Variants in SCARA3 observed in about 807,000 individuals in gnomAD.
SCARA3 encodes scavenger receptor class A member 3.
SCARA3 carries 39 observed loss-of-function variants against 47.0 expected under a neutral mutation model. That is an observed-to-expected ratio of 0.83 (90% confidence interval 0.64 to 1.08). SCARA3 has a LOEUF of 1.08. Ranked by LOEUF, SCARA3 falls within the 50% of genes least tolerant of loss-of-function variation. SCARA3 has a pLI of 0.00. For synonymous variants in SCARA3, 356 were observed against 334.1 expected (o/e 1.07, Z -0.71); for missense variants, 724 against 792.3 (o/e 0.91, Z 1.04).
chr8:27,717,174 G>A, the SCARA3 span, among the ~76,000 whole-genome samples: 1 of 152,294 alleles, frequency 6.6e-6, no homozygotes, highest in Admixed American at 6.5e-5. Flanking sequence ...AATCTCATTA[G>A]GACAATTGGT....
the SCARA3 span, among the ~76,000 whole-genome samples, chr8:27,723,767 G>A: frequency 1.8e-4 from 27 of 152,146 alleles, 1 homozygote; most frequent in Admixed American, 1.6e-3. Flanking sequence ...ACAGAGTCTC[G>A]CTCTGTCTCC....
At chr8:27,733,883 T>A in the SCARA3 span, 5 of 152,190 alleles carry the variant, frequency 3.3e-5, no homozygotes, top group Admixed American at 3.3e-4. Context: ...GAGGAAGGGC[T>A]TTGGTCTTAA....
downstream of SCARA3, among the ~76,000 whole-genome samples, chr8:27,678,815 T>C (rs949774552): frequency 7.2e-5 from 11 of 152,174 alleles, no homozygotes; most frequent in African/African-American, 2.7e-4. Context: ...TTTTAGCCAA[T>C]CAAATGCAGC....
Position 27,659,561 on chromosome 8 carries a change from G to T in SCARA3, c.1369+22G>T, listed in dbSNP as rs1166403113. The T allele has an allele frequency of 4.5e-6, 7 of 1,567,274 alleles. No individual in the cohort carries two copies. The African/African-American group carries it at 9.5e-5, about 21-fold the overall frequency. ...CGAGGTAAGAGCTGGGTCCAGGTAG[G>T]GCTGCTACAAAGCTTCCACTGAGGC... is the stretch of plus-strand genomic sequence containing the variant. On this transcript the variant is annotated intron_variant, in intron 5 of 5. Transcript: ENST00000301904.
chr8:27,695,007 C>A, the SCARA3 span, among the ~76,000 whole-genome samples: 18 of 152,110 alleles, frequency 1.2e-4, no homozygotes, highest in African/African-American at 4.3e-4. Flanking sequence ...AAGGTAAGAT[C>A]GTGTAGGATT....
chr8:27,658,419 T>C (rs1485870131), intron 4 of SCARA3, 77 bp from the exon 5 acceptor site: 29 of 1,365,678 alleles, frequency 2.1e-5, no homozygotes, highest in African/African-American at 2.9e-5. Context: ...TCTTATGCTC[T>C]GAAATATTTA....
intron 1 of SCARA3, among the ~76,000 whole-genome samples, chr8:27,637,797 G>C (rs994384237): frequency 6.6e-6 from 1 of 152,058 alleles, no homozygotes; most frequent in Admixed American, 6.5e-5. Flanking sequence ...AAAACACAGC[G>C]ATGCAATCCC....
intron 4 of SCARA3, among the ~76,000 whole-genome samples, chr8:27,657,126 A>G (rs113619890): frequency 2.0e-5 from 3 of 152,342 alleles, no homozygotes; most frequent in African/African-American, 4.8e-5. Context: ...CAGAGTCTAC[A>G]GGCAGAGAAG....
chr8:27,660,642 A>AGATAGAT (rs1554539838), intron 5 of SCARA3, among the ~76,000 whole-genome samples: 1 of 148,704 alleles, frequency 6.7e-6, no homozygotes, highest in African/African-American at 2.4e-5. Flanking sequence ...ATAGATAGAT[A>AGATAGAT]GATAGATAGA....
chr8:27,662,461 A>C (rs1801931802), intron 5 of SCARA3, among the ~76,000 whole-genome samples: 1 of 152,238 alleles, frequency 6.6e-6, no homozygotes, highest in Non-Finnish European at 1.5e-5. Context: ...TCTGCTGTGA[A>C]GTGAGTTCCT....
chr8:27,646,770 T>C (rs1585276699), intron 1 of SCARA3, among the ~76,000 whole-genome samples: 1 of 152,124 alleles, frequency 6.6e-6, no homozygotes, highest in Admixed American at 6.5e-5. Context: ...CCCCAGCCAT[T>C]CATTTATGGG....
chr8:27,658,574 A>T lies in SCARA3; in HGVS notation c.404A>T (p.Glu135Val). 6.2e-7 allele frequency: 1 copy of T among 1,614,178 alleles called. No homozygotes were observed. The highest frequency in any genetic ancestry group is 1.6e-4 in the Middle Eastern group (1 of 6,062). The change falls in exon 5 of 6, where the codon GAG (glutamate) becomes GTG (valine). Residue 135 changes from glutamate (E) to valine (V), a missense_variant. Glu to Val is a moderately radical substitution (Grantham distance 121, BLOSUM62 -2). Coordinates refer to ENST00000301904, the MANE Select transcript of SCARA3 (RefSeq NM_016240.3). The part of the protein sequence containing the change: ...LGPEIRKLQE[E>V]LEGIQKLLLA... ...CCAGAGATCCGAAAACTGCAGGAGG[A>T]GCTGGAGGGAATTCAGAAGCTGCTT...
rs972760067 is a variant in SCARA3 at position 27,671,200 on chromosome 8, C to A, written c.1670C>A (p.Pro557His). ...GAAGGGCCCCCGGGGTCTCCAGGGC[C>A]CTCAGGGCCTCAGGGAAAACCGGGA... The part of the protein sequence containing the change: ...GPEGPPGSPG[P>H]SGPQGKPGIA... The change falls in exon 6 of 6, where the codon CCC (proline) becomes CAC (histidine). Residue 557 changes from proline to histidine, a missense_variant. Coordinates refer to ENST00000301904, the MANE Select transcript of SCARA3 (RefSeq NM_016240.3). 1 of 1,507,238 alleles carries A rather than the reference C, an allele frequency of 6.6e-7. No homozygotes were observed. The highest frequency in any genetic ancestry group is 1.3e-5 in the South Asian group (1 of 77,376). 93.4% of individuals were successfully genotyped at this position (1,507,238 alleles called of 1,614,324 possible). A position where few individuals can be genotyped will look rare whatever the true frequency, so the allele number is the denominator to read the frequency against.
At chr8:27,638,152 A>G (rs1397199124) in intron 1 of SCARA3, among the ~76,000 whole-genome samples, 1 of 152,172 alleles carries the variant, frequency 6.6e-6, no homozygotes, top group Non-Finnish European at 1.5e-5. Flanking sequence ...GAGCGAGGAA[A>G]AAGCCTTCTG....
the SCARA3 span, chr8:27,703,844 C>CTTTT: frequency 3.1e-3 from 170 of 54,534 alleles, 24 homozygotes; most frequent in Non-Finnish European, 4.0e-3. Flanking sequence ...GTGCTTTCTA[C>CTTTT]TTTTTTTTTT....
intron 3 of SCARA3, among the ~76,000 whole-genome samples, chr8:27,652,931 G>T (rs1031438231): frequency 6.6e-6 from 1 of 152,170 alleles, no homozygotes; most frequent in African/African-American, 2.4e-5. Flanking sequence ...ATTCCAGTCC[G>T]CAGCTAGATT....
the SCARA3 span, among the ~76,000 whole-genome samples, chr8:27,704,580 C>G: frequency 6.6e-6 from 1 of 152,196 alleles, no homozygotes; most frequent in Non-Finnish European, 1.5e-5. Context: ...AGTTAGCACA[C>G]TCCTCACCTT....
chr8:27,698,213 A>G, the SCARA3 span, among the ~76,000 whole-genome samples: 18 of 152,226 alleles, frequency 1.2e-4, no homozygotes, highest in African/African-American at 4.3e-4. Flanking sequence ...TTGGATCTGC[A>G]AGAAGGAGTG....
chr8:27,669,898 G>A (rs920360683), intron 5 of SCARA3, among the ~76,000 whole-genome samples: 3 of 152,198 alleles, frequency 2.0e-5, no homozygotes, highest in African/African-American at 7.2e-5. Flanking sequence ...TACGGCAGTG[G>A]AGGGCTCCCA....
Sources: allele counts gnomAD v4.1 joint callset (sites outside exome capture counted in the v4.1 genomes callset), GRCh38; gene constraint gnomAD v4.1.1; transcripts MANE v1.5; gene names NCBI Gene and HGNC (gene_info 2026-07-23, HGNC 2026-07-21).